Variants in ACOT12 observed in about 807,000 individuals in gnomAD.
ACOT12 encodes acetyl-coenzyme A thioesterase.
In ACOT12, 51 loss-of-function variants were observed where a neutral mutation model predicts 67.7. The observed-to-expected ratio is 0.75, with a 90% CI of 0.60 to 0.95. The LOEUF is 0.95. Ranked by LOEUF, ACOT12 falls within the 40% of genes least tolerant of loss-of-function variation. ACOT12 has a pLI of 0.00. For missense variants in ACOT12, 734 were observed against 708.1 expected, an observed-to-expected ratio of 1.04 and a Z score of -0.41; for synonymous variants, 251 against 244.6, an observed-to-expected ratio of 1.03 and a Z score of -0.24.
chr5:81,340,185 C>T (rs1305393287), intron 11 of ACOT12, among the ~76,000 whole-genome samples: 1 of 151,508 alleles, frequency 6.6e-6, no homozygotes, highest in African/African-American at 2.4e-5. Flanking sequence ...TTACAGGTGC[C>T]CGCCATGACA....
chr5:81,371,910 C>G, intron 2 of ACOT12, 100 bp from the exon 3 acceptor site: 1 of 961,234 alleles, frequency 1.0e-6, no homozygotes, highest in Non-Finnish European at 1.6e-6. Context: ...GCAGTTCCAC[C>G]TTATCATGCT....
chr5:81,372,416 G>A (rs958513984), intron 2 of ACOT12, among the ~76,000 whole-genome samples: 1 of 152,120 alleles, frequency 6.6e-6, no homozygotes, highest in African/African-American at 2.4e-5. Context: ...AAGCCCCCTG[G>A]ATTTTTCTTC....
intron 1 of ACOT12, among the ~76,000 whole-genome samples, chr5:81,386,286 T>C (rs973611439): frequency 2.0e-5 from 3 of 152,280 alleles, no homozygotes; most frequent in Non-Finnish European, 4.4e-5. Flanking sequence ...AAACCCCGAG[T>C]CATCCCAAAT....
Position 81,332,494 on chromosome 5 carries a change from T to G in ACOT12, c.1374A>C (p.Arg458Ser). 6.2e-7 allele frequency: 1 copy of G among 1,614,098 alleles called. No homozygotes were observed. The highest frequency in any genetic ancestry group is 8.5e-7 in the Non-Finnish European group (1 of 1,179,982). Residue 458 changes from arginine (R) to serine (S), a missense_variant, in exon 13 of 15, where the codon AGA (arginine) becomes AGC (serine). Transcript: ENST00000307624. ...ATACTCACCCATCTTTGAGGGGTTTTCTTCGTGATACGAGTACTACCAAGT... is the reference window on the plus strand; with the variant it reads ...ATACTCACCCATCTTTGAGGGGTTTGCTTCGTGATACGAGTACTACCAAGT... Reference protein sequence around the residue: ...PKDLVVLVSRRKPLKDGNTYT... With the variant: ...PKDLVVLVSRSKPLKDGNTYT...
At chr5:81,329,520 T>C (rs1265532472), downstream of ACOT12, among the ~76,000 whole-genome samples, 1 of 152,166 alleles carries the variant, frequency 6.6e-6, no homozygotes, top group Admixed American at 6.5e-5. Context: ...GGTAGAACTT[T>C]AGCAAACTAA....
intron 11 of ACOT12, among the ~76,000 whole-genome samples, chr5:81,340,710 A>C (rs1455472383): frequency 6.6e-6 from 1 of 152,218 alleles, no homozygotes; most frequent in Non-Finnish European, 1.5e-5. Context: ...TATTCCACTA[A>C]AAGGTGGCAG....
chr5:81,391,211 G>C (rs1760855717), intron 1 of ACOT12, among the ~76,000 whole-genome samples: 1 of 152,178 alleles, frequency 6.6e-6, no homozygotes, highest in Non-Finnish European at 1.5e-5. Flanking sequence ...TTAGGGCTCT[G>C]TCTCTCTGGC....
intron 5 of ACOT12, among the ~76,000 whole-genome samples, chr5:81,354,378 G>A (rs6860593): frequency 0.4 from 60,271 of 152,012 alleles, 12,178 homozygotes; most frequent in Non-Finnish European, 0.42. Flanking sequence ...TCAAAGTACT[G>A]TTAGTGTTGT....
At chr5:81,345,735 G>A in intron 7 of ACOT12, 150 bp downstream of exon 7, 1 of 1,048,490 alleles carries the variant, frequency 9.5e-7, no homozygotes, top group Non-Finnish European at 1.3e-6. Flanking sequence ...GCAGAACAAA[G>A]GGTTAAAAAT....
intron 3 of ACOT12, among the ~76,000 whole-genome samples, chr5:81,365,551 G>GTTAA (rs1463866826): frequency 1.3e-5 from 2 of 152,210 alleles, no homozygotes; most frequent in Non-Finnish European, 2.9e-5. Context: ...TACTAGAAGA[G>GTTAA]TTAACTTAGT....
chr5:81,390,986 A>C (rs1760847183), intron 1 of ACOT12, among the ~76,000 whole-genome samples: 1 of 152,208 alleles, frequency 6.6e-6, no homozygotes, highest in Admixed American at 6.5e-5. Flanking sequence ...TCCATTGTAG[A>C]AACTGTGTTT....
At position 81,330,875 on chromosome 5, in the gene ACOT12, A is replaced by AAATCAC; in HGVS notation, c.1456_1457insGTGATT (p.Ile486delinsSerAspPhe). 3 of 1,614,038 alleles carry AAATCAC rather than the reference A, an allele frequency of 1.9e-6. No homozygotes were observed. Among genetic ancestry groups the AAATCAC allele is most frequent in the Non-Finnish European group, 2.5e-6 (3 of 1,179,950 alleles). On this transcript the variant is annotated protein_altering_variant, in exon 14 of 15. Transcript: ENST00000307624. ...TCCGGCACATATGATTTCACTTCTG[A>AAATCAC]TGTACTGTGGAGACGGGGGGACCGA...
chr5:81,308,728 G>A, the ACOT12 span: 1 of 1,593,932 alleles, frequency 6.3e-7, no homozygotes, highest in Non-Finnish European at 8.5e-7. Flanking sequence ...GTTTCTTTCA[G>A]TTTTTTGTTT....
chr5:81,311,693 G>A, the ACOT12 span, among the ~76,000 whole-genome samples: 1 of 152,170 alleles, frequency 6.6e-6, no homozygotes, highest in African/African-American at 2.4e-5. Flanking sequence ...AAAAGATTCA[G>A]AGTTGATTGC....
chr5:81,331,052 GC>G, intron 13 of ACOT12, 112 bp from the exon 14 acceptor site: 1 of 1,227,808 alleles, frequency 8.1e-7, no homozygotes, highest in Non-Finnish European at 1.1e-6. Context: ...AACTATGAAG[GC>G]CCAGATCTTC....
chr5:81,312,751 C>A, the ACOT12 span: 1 of 939,396 alleles, frequency 1.1e-6, no homozygotes, highest in Non-Finnish European at 1.7e-6. Context: ...TCCCCTGTAG[C>A]CAGGACTATG....
At chr5:81,318,599 C>T in the ACOT12 span, among the ~76,000 whole-genome samples, 31 of 152,236 alleles carry the variant, frequency 2.0e-4, no homozygotes, top group Non-Finnish European at 3.5e-4. Context: ...GCTTCAGTTT[C>T]GATAGGGATT....
chr5:81,317,594 G>C, the ACOT12 span, among the ~76,000 whole-genome samples: 3 of 152,086 alleles, frequency 2.0e-5, no homozygotes, highest in Non-Finnish European at 2.9e-5. Context: ...TTACAATCAT[G>C]GCAGAAGTTG....
the ACOT12 span, among the ~76,000 whole-genome samples, chr5:81,319,180 T>C: frequency 6.6e-6 from 1 of 152,206 alleles, no homozygotes; most frequent in African/African-American, 2.4e-5. Context: ...AAAAGCTTAT[T>C]TGGATAATTT....
Sources: allele counts gnomAD v4.1 joint callset (sites outside exome capture counted in the v4.1 genomes callset), GRCh38; gene constraint gnomAD v4.1.1; transcripts MANE v1.5; gene names NCBI Gene and HGNC (gene_info 2026-07-23, HGNC 2026-07-21).